GLIPR2: variants seen among roughly 807,000 people sequenced by gnomAD.
GLIPR2 encodes the protein Golgi-associated plant pathogenesis-related protein 1.
A neutral mutation model predicts 20.4 loss-of-function variants in GLIPR2; 21 were observed. The ratio of observed to expected loss-of-function variants is 1.03; its 90% CI spans 0.73 to 1.48. The LOEUF is 1.48. Ranked by LOEUF, GLIPR2 falls within the 40% of genes most tolerant of loss-of-function variation. GLIPR2 has a pLI of 0.00. For missense variants in GLIPR2, 205 were observed against 200.1 expected, an observed-to-expected ratio of 1.02 and a Z score of -0.15; for synonymous variants, 91 against 80.5, an observed-to-expected ratio of 1.13 and a Z score of -0.70.
intron 1 of GLIPR2, chr9:36,146,318 C>T (rs898460344): frequency 6.6e-6 from 1 of 152,326 alleles, no homozygotes; most frequent in Non-Finnish European, 1.5e-5. Context: ...GATCTCACTC[C>T]TCCGCATGGT....
intron 4 of GLIPR2, 134 bp downstream of exon 4, chr9:36,151,083 G>A (rs1825563780): frequency 2.9e-6 from 2 of 682,398 alleles, no homozygotes; most frequent in Non-Finnish European, 5.3e-6. Flanking sequence ...TATTTCTCTG[G>A]CTTGACCTTG....
rs190345606 is a variant in GLIPR2, at chr9:36,162,646, A to G, written c.*124A>G. ...TGTGCTTGTGTGTGTGATGCATGTGAGCGTCTCTGGCACACACACTTGGAC... is the reference window on the plus strand; with the variant it reads ...TGTGCTTGTGTGTGTGATGCATGTGGGCGTCTCTGGCACACACACTTGGAC... On this transcript the variant is annotated 3_prime_UTR_variant, in exon 5 of 5. Coordinates refer to ENST00000377960, the MANE Select transcript of GLIPR2 (RefSeq NM_022343.4). 8.1e-5 allele frequency: 72 copies of G among 886,466 alleles called. No homozygotes were observed. The highest frequency in any genetic ancestry group is 1.3e-4 in the Non-Finnish European group (71 of 565,058). The allele number at this position is 886,466 out of a possible 1,614,324, so 54.9% of individuals were successfully genotyped here. A position where few individuals can be genotyped will look rare whatever the true frequency, so the allele number is the denominator to read the frequency against.
chr9:36,151,269 C>CTT (rs1825572452), intron 4 of GLIPR2, among the ~76,000 whole-genome samples: 4 of 152,166 alleles, frequency 2.6e-5, no homozygotes, highest in African/African-American at 9.7e-5. Flanking sequence ...AGCTTCATTC[C>CTT]TGAACTGGTC....
Position 36,152,981 on chromosome 9 carries a change from A to G in GLIPR2, c.304+2032A>G, listed in dbSNP as rs148658271. 2.1e-4 allele frequency among the ~76,000 whole-genome samples: 28 copies of G among 135,444 alleles called. 1 individual carries two copies. The highest frequency in any genetic ancestry group is 7.3e-4 in the African/African-American group (26 of 35,834). 88.9% of individuals were successfully genotyped at this position (135,444 alleles called of 152,430 possible). On this transcript the variant is annotated intron_variant, in intron 4 of 4. Coordinates refer to ENST00000377960, the MANE Select transcript of GLIPR2 (RefSeq NM_022343.4). ...AAAAAAAAAAAAAAAAAAAAAAAAAAGCCAGGTGTGGTGACAGGTGTCTGT... is the reference window on the plus strand; with the variant it reads ...AAAAAAAAAAAAAAAAAAAAAAAAAGGCCAGGTGTGGTGACAGGTGTCTGT...
chr9:36,139,527 G>T (rs1824978567), intron 1 of GLIPR2, among the ~76,000 whole-genome samples: 1 of 152,180 alleles, frequency 6.6e-6, no homozygotes, highest in Non-Finnish European at 1.5e-5. Context: ...CAACCTTGAA[G>T]TTCCAGGCCG....
At chr9:36,162,243 A>G in intron 4 of GLIPR2, 119 bp from the exon 5 acceptor site, 2 of 1,596,138 alleles carry the variant, frequency 1.3e-6, no homozygotes, top group Non-Finnish European at 1.7e-6. Context: ...GGGTCTGTGA[A>G]GACCATGCTG....
chr9:36,141,322 G>C (rs971122569), intron 1 of GLIPR2, among the ~76,000 whole-genome samples: 6 of 152,228 alleles, frequency 3.9e-5, no homozygotes, highest in Non-Finnish European at 8.8e-5. Context: ...TAAAGAGCAG[G>C]AGTTACCCAG....
chr9:36,151,084 C>G (rs1234045183), intron 4 of GLIPR2, 135 bp downstream of exon 4: 2 of 671,220 alleles, frequency 3.0e-6, no homozygotes, highest in South Asian at 3.3e-5. Context: ...ATTTCTCTGG[C>G]TTGACCTTGA....
chr9:36,149,192 C>T (rs1339181342), intron 3 of GLIPR2, among the ~76,000 whole-genome samples: 1 of 152,238 alleles, frequency 6.6e-6, no homozygotes, highest in Non-Finnish European at 1.5e-5. Flanking sequence ...AATGATCCCA[C>T]CATGCTGCCC....
intron 4 of GLIPR2, among the ~76,000 whole-genome samples, chr9:36,155,399 A>G (rs1298105573): frequency 6.6e-6 from 1 of 151,922 alleles, no homozygotes; most frequent in East Asian, 2.0e-4. Context: ...GTTCGAGACC[A>G]CCCTGGCCAA....
intron 3 of GLIPR2, among the ~76,000 whole-genome samples, chr9:36,149,003 T>A (rs1825466668): frequency 6.6e-6 from 1 of 152,204 alleles, no homozygotes; most frequent in Non-Finnish European, 1.5e-5. Flanking sequence ...CATCCCCAGC[T>A]ACTGAGAAAT....
At chr9:36,153,367 G>A (rs1343247456) in intron 4 of GLIPR2, among the ~76,000 whole-genome samples, 1 of 152,200 alleles carries the variant, frequency 6.6e-6, no homozygotes, top group Non-Finnish European at 1.5e-5. Flanking sequence ...AAATCCCAGA[G>A]CGGCCAGCCC....
chr9:36,147,941 T>C, intron 2 of GLIPR2, 47 bp downstream of exon 2: 1 of 886,032 alleles, frequency 1.1e-6, no homozygotes, highest in Non-Finnish European at 1.9e-6. Context: ...CATGTGCTGC[T>C]ACTGCAGTCA....
intron 3 of GLIPR2, 135 bp downstream of exon 3, chr9:36,148,785 C>T (rs1251439721): frequency 3.1e-6 from 2 of 635,510 alleles, no homozygotes; most frequent in Non-Finnish European, 5.7e-6. Context: ...CCAGAGCTCT[C>T]TGAATCTGCT....
chr9:36,157,498 C>T lies in GLIPR2; in HGVS notation c.305-4864C>T, dbSNP rs539018564. ...AGTAGCTGGGGTTACAGGCACCCAC[C>T]ACCATGACCAGCTAATTTTTATATT... On this transcript the variant is annotated intron_variant, in intron 4 of 4. Transcript: ENST00000377960. 2.0e-3 allele frequency among the ~76,000 whole-genome samples: 305 copies of T among 151,586 alleles called. 1 individual carries two copies. The highest frequency in any genetic ancestry group is 6.7e-3 in the African/African-American group (276 of 41,306).
chr9:36,158,209 C>A (rs555671512), intron 4 of GLIPR2, among the ~76,000 whole-genome samples: 123 of 152,294 alleles, frequency 8.1e-4, no homozygotes, highest in African/African-American at 2.9e-3. Context: ...TGGGTATATA[C>A]CTAGAAGTGG....
intron 4 of GLIPR2, among the ~76,000 whole-genome samples, chr9:36,152,750 CAAAAAAAAAA>C (rs1217889590): frequency 4.8e-5 from 2 of 41,634 alleles, no homozygotes; most frequent in Non-Finnish European, 8.0e-5. Flanking sequence ...AACTCTGTCT[CAAAAAAAAAA>C]AAAAAAAAAA....
At position 36,162,764 on chromosome 9, in the gene GLIPR2, G is replaced by C; in HGVS notation, c.*242G>C. The C allele has an allele frequency of 3.4e-6, 2 of 585,430 alleles. No individual in the cohort carries two copies. Among genetic ancestry groups the C allele is most frequent in the South Asian group, 1.8e-5 (1 of 54,788 alleles). 36.3% of individuals were successfully genotyped at this position (585,430 alleles called of 1,614,324 possible). A position where few individuals can be genotyped will look rare whatever the true frequency, so the allele number is the denominator to read the frequency against. Reference sequence around the variant, plus strand: ...CCTAGACCACGATTATTTGGATTGGGGGGAGGGGGGATCCGTTTTTTTTTT... The same window carrying C: ...CCTAGACCACGATTATTTGGATTGGCGGGAGGGGGGATCCGTTTTTTTTTT... On this transcript the variant is annotated 3_prime_UTR_variant, in exon 5 of 5. Transcript: ENST00000377960.
intron 2 of GLIPR2, 119 bp from the exon 3 acceptor site, chr9:36,148,428 G>A (rs1367189608): frequency 3.0e-6 from 2 of 665,000 alleles, no homozygotes; most frequent in South Asian, 3.5e-5. Flanking sequence ...TCATGCAAGA[G>A]TGGTGCTCCT....
Sources: gnomAD v4.1 joint callset for allele counts (sites outside exome capture counted in the v4.1 genomes callset) on GRCh38, gnomAD v4.1.1 for gene constraint, MANE v1.5 for transcripts, NCBI Gene and HGNC (gene_info 2026-07-23, HGNC 2026-07-21) for gene names.